TNFSF11: variants seen among roughly 807,000 people sequenced by gnomAD.
TNFSF11 encodes the protein TNF superfamily member 11.
Under a neutral mutation model 32.2 loss-of-function variants are expected in TNFSF11, and 12 were observed. The ratio of observed to expected loss-of-function variants is 0.37; its 90% CI spans 0.24 to 0.60. The LOEUF (loss-of-function observed/expected upper bound fraction) is 0.60. TNFSF11 is among the 20% of genes least tolerant of loss of function. The pLI, the probability that TNFSF11 is intolerant of heterozygous loss-of-function variation, is 0.66. For synonymous variants in TNFSF11, 172 were observed against 152.1 expected, an observed-to-expected ratio of 1.13 and a Z score of -0.96; for missense variants, 345 against 398.0, an observed-to-expected ratio of 0.87 and a Z score of 1.13.
Position 42,581,737 on chromosome 13 carries a change from A to G in TNFSF11, c.387+444A>G, listed in dbSNP as rs187557439. The stretch of plus-strand genomic sequence containing the variant: ...CATCTGTTGATCCAGGGCTCTGATG[A>G]GAAGCAGTTGTAACTCTTGGTCCTT... On this transcript the variant is annotated intron_variant, in intron 2 of 4. Transcript: ENST00000398795. 5.3e-5 allele frequency among the ~76,000 whole-genome samples: 8 copies of G among 152,232 alleles called. No individual in the cohort carries two copies. The East Asian group carries it at 1.5e-3, about 29-fold the overall frequency.
chr13:42,574,204 C>A lies in TNFSF11; in HGVS notation c.-100C>A. ...CAAAGCCGGGCTCCAAGTCGGCGCC[C>A]CACGTCGAGGCTCCGCCGCAGCCTC... On this transcript the variant is annotated 5_prime_UTR_variant, in exon 1 of 5. Coordinates refer to ENST00000398795, the MANE Select transcript of TNFSF11 (RefSeq NM_003701.4). The A allele has an allele frequency of 6.8e-7, 1 of 1,479,236 alleles. No homozygotes were observed. The highest frequency in any genetic ancestry group is 1.2e-5 in the South Asian group (1 of 81,932). 91.6% of individuals were successfully genotyped at this position (1,479,236 alleles called of 1,614,324 possible).
intron 2 of TNFSF11, among the ~76,000 whole-genome samples, chr13:42,585,865 A>G (rs984990665): frequency 6.6e-6 from 1 of 152,208 alleles, no homozygotes; most frequent in Non-Finnish European, 1.5e-5. Context: ...GTTTGCAGAT[A>G]CCTTCCTGAA....
rs573257134 is a variant in TNFSF11 at position 42,607,933 on chromosome 13, G to A, written c.*1015G>A. ...AAAGTCCAATTTTAATTTAGTAAAT[G>A]TTATCTTATACTGTACAATAAAAAC... On this transcript the variant is annotated 3_prime_UTR_variant, in exon 5 of 5. Coordinates refer to ENST00000398795, the MANE Select transcript of TNFSF11 (RefSeq NM_003701.4). 1 of 152,418 alleles carries A rather than the reference G, an allele frequency of 6.6e-6. No individual in the cohort carries two copies. The highest frequency in any genetic ancestry group is 2.1e-4 in the South Asian group (1 of 4,820). 9.4% of individuals were successfully genotyped at this position (152,418 alleles called of 1,614,324 possible).
chr13:42,577,855 A>G (rs538185928), intron 1 of TNFSF11, among the ~76,000 whole-genome samples: 3 of 152,256 alleles, frequency 2.0e-5, no homozygotes, highest in Non-Finnish European at 4.4e-5. Context: ...AAAATGAGAC[A>G]GTGTATTTCG....
At chr13:42,573,411 T>C (rs373596452), upstream of TNFSF11, among the ~76,000 whole-genome samples, 1 of 152,254 alleles carries the variant, frequency 6.6e-6, no homozygotes, top group African/African-American at 2.4e-5. Context: ...AAGGTTTCTT[T>C]AGCAATGAAA....
At chr13:42,565,222 A>G (rs1445474237) in intron 1 of TNFSF11, among the ~76,000 whole-genome samples, 1 of 18,096 alleles carries the variant, frequency 5.5e-5, no homozygotes, top group Non-Finnish European at 1.5e-4. Context: ...ATATATATAT[A>G]TATATATATT....
At position 42,600,636 on chromosome 13, in the gene TNFSF11, G is replaced by T. The variant is rs1299308260; in HGVS notation, c.388-116G>T. Reference sequence around the variant, plus strand: ...GGAATTTCACTGCCAATGTTACTATGGCACCTTTGGAAGGAAAAGAGGGTT... The same window carrying T: ...GGAATTTCACTGCCAATGTTACTATTGCACCTTTGGAAGGAAAAGAGGGTT... On this transcript the variant is annotated intron_variant, in intron 2 of 4. Coordinates refer to ENST00000398795, the MANE Select transcript of TNFSF11 (RefSeq NM_003701.4). 2.7e-6 allele frequency: 3 copies of T among 1,120,226 alleles called. No individual in the cohort carries two copies. The East Asian group carries it at 7.7e-5, about 29-fold the overall frequency. 69.4% of individuals were successfully genotyped at this position (1,120,226 alleles called of 1,614,324 possible).
At position 42,574,248 on chromosome 13, in the gene TNFSF11, A is replaced by T; in HGVS notation, c.-56A>T. 6.5e-7 allele frequency: 1 copy of T among 1,538,416 alleles called. No individual in the cohort carries two copies. Among genetic ancestry groups the T allele is most frequent in the Non-Finnish European group, 8.8e-7 (1 of 1,139,980 alleles). On this transcript the variant is annotated 5_prime_UTR_variant, in exon 1 of 5. The change creates a new upstream start codon in the 5' untranslated region. Transcript: ENST00000398795. Reference sequence around the variant, plus strand: ...CAGCCTCCGGAGTTGGCCGCAGACAAGAAGGGGAGGGAGCGGGAGAGGGAG... The same window carrying T: ...CAGCCTCCGGAGTTGGCCGCAGACATGAAGGGGAGGGAGCGGGAGAGGGAG...
At chr13:42,601,817 C>T (rs1190290563) in intron 4 of TNFSF11, among the ~76,000 whole-genome samples, 1 of 152,186 alleles carries the variant, frequency 6.6e-6, no homozygotes. Context: ...TTTCCCCTTC[C>T]TCAATACCTC....
chr13:42,580,430 A>G (rs148191854), intron 1 of TNFSF11, among the ~76,000 whole-genome samples: 78 of 152,226 alleles, frequency 5.1e-4, no homozygotes, highest in African/African-American at 1.7e-3. Context: ...CTGTTCATGC[A>G]GCCTCCCCAC....
intron 1 of TNFSF11, among the ~76,000 whole-genome samples, chr13:42,563,844 T>C (rs893770893): frequency 1.4e-4 from 21 of 152,180 alleles, no homozygotes; most frequent in African/African-American, 5.1e-4. Flanking sequence ...TGTGATTTTC[T>C]GACATTTTGA....
chr13:42,603,114 G>A (rs945383576), intron 4 of TNFSF11, among the ~76,000 whole-genome samples: 3 of 152,114 alleles, frequency 2.0e-5, no homozygotes, highest in African/African-American at 7.2e-5. Flanking sequence ...CAGAGGAAGT[G>A]GCTTTAAATT....
At position 42,606,670 on chromosome 13, in the gene TNFSF11, C is replaced by T; in HGVS notation, c.706C>T (p.Leu236Phe). 3 of 1,614,238 alleles carry T rather than the reference C, an allele frequency of 1.9e-6. No homozygotes were observed. Among genetic ancestry groups the T allele is most frequent in the Non-Finnish European group, 2.5e-6 (3 of 1,180,050 alleles). ...TTCAGGAGACCTAGCTACAGAGTAT[C>T]TTCAACTAATGGTGTACGTCACTAA... ...ETSGDLATEYLQLMVYVTKTS... is the reference protein window; with the variant it reads ...ETSGDLATEYFQLMVYVTKTS... The change falls in exon 5 of 5, where the codon CTT becomes TTT. Residue 236 changes from leucine (L) to phenylalanine (F), a missense_variant. Leu to Phe is a conservative substitution (Grantham distance 22, BLOSUM62 0). Around this residue, in one of 2 missense-constraint regions of TNFSF11, gnomAD observed 148 missense variants for 216.0 expected, o/e 0.69. Transcript: ENST00000398795.
chr13:42,588,760 A>G (rs891344253), intron 2 of TNFSF11, among the ~76,000 whole-genome samples: 1 of 152,176 alleles, frequency 6.6e-6, no homozygotes, highest in Non-Finnish European at 1.5e-5. Context: ...GATTTCTTCA[A>G]AGCATCCTAG....
At chr13:42,585,915 G>A (rs1277044450) in intron 2 of TNFSF11, among the ~76,000 whole-genome samples, 2 of 152,240 alleles carry the variant, frequency 1.3e-5, no homozygotes, top group Non-Finnish European at 1.5e-5. Context: ...ATGTGCAGGA[G>A]AAAGGTCAAT....
intron 1 of TNFSF11, among the ~76,000 whole-genome samples, chr13:42,575,037 C>T (rs1873239269): frequency 6.6e-6 from 1 of 152,174 alleles, no homozygotes; most frequent in Non-Finnish European, 1.5e-5. Flanking sequence ...GAGGGCTGCG[C>T]GGAGCGGGAG....
chr13:42,589,680 C>T (rs1046165569), intron 2 of TNFSF11, among the ~76,000 whole-genome samples: 3 of 152,176 alleles, frequency 2.0e-5, no homozygotes, highest in African/African-American at 7.2e-5. Flanking sequence ...GCTGAACTCT[C>T]CCGACCTGGC....
At chr13:42,578,725 T>A (rs1873442541) in intron 1 of TNFSF11, among the ~76,000 whole-genome samples, 1 of 150,990 alleles carries the variant, frequency 6.6e-6, no homozygotes, top group Non-Finnish European at 1.5e-5. Context: ...AATTGGCCAG[T>A]GAGGGGTGGG....
intron 2 of TNFSF11, among the ~76,000 whole-genome samples, chr13:42,583,443 G>GAAAAAAAAAA (rs1566378210): frequency 6.3e-4 from 25 of 39,588 alleles, no homozygotes; most frequent in African/African-American, 1.3e-3. Context: ...AAAAAAGAAA[G>GAAAAAAAAAA]GAAGAAAGGA....
Sources: gnomAD v4.1 joint callset for allele counts (sites outside exome capture counted in the v4.1 genomes callset) on GRCh38, gnomAD v4.1.1 for gene constraint, gnomAD v4.1.1 regional missense constraint, MANE v1.5 for transcripts, NCBI Gene and HGNC (gene_info 2026-07-23, HGNC 2026-07-21) for gene names.